Variants in ABL1 observed in about 807,000 individuals in gnomAD.
ABL1 encodes the protein tyrosine-protein kinase ABL1.
In ABL1, 11 loss-of-function variants were observed where a neutral mutation model predicts 94.7. That is an observed-to-expected ratio of 0.12 (90% confidence interval 0.07 to 0.19). The LOEUF (loss-of-function observed/expected upper bound fraction) is 0.19. Among genes scored for constraint, ABL1 ranks in the 10% least tolerant of loss-of-function variants. The pLI is 1.00. For missense variants in ABL1, 1,082 were observed against 1,489.4 expected (o/e 0.73, Z 4.50); for synonymous variants, 656 against 622.4 (o/e 1.05, Z -0.80).
chr9:130,835,641 C>G lies in ABL1; in HGVS notation c.79+116C>G. ...CGCCTGCGCCCTCCCCGGGTCTTGT[C>G]TTTTTTTTCTTTCTTCCCTCTTCTC... On this transcript the variant is annotated intron_variant, in intron 1 of 10. Coordinates refer to ENST00000318560, the MANE Select transcript of ABL1 (RefSeq NM_005157.6). This position sits in a 1 kb window ranked among gnomAD's most constrained non-coding sequence, Gnocchi z 4.6. 1.5e-6 allele frequency: 1 copy of G among 686,604 alleles called. No homozygotes were observed. Among genetic ancestry groups the G allele is most frequent in the Non-Finnish European group, 2.4e-6 (1 of 410,546 alleles). 42.5% of individuals were successfully genotyped at this position (686,604 alleles called of 1,614,324 possible).
Position 130,835,557 on chromosome 9 carries a change from A to T in ABL1, c.79+32A>T. 6.5e-7 allele frequency: 1 copy of T among 1,533,678 alleles called. No individual in the cohort carries two copies. On this transcript the variant is annotated intron_variant, in intron 1 of 10. Transcript: ENST00000318560. This position sits in a 1 kb window ranked among gnomAD's most constrained non-coding sequence, Gnocchi z 4.6. The stretch of plus-strand genomic sequence containing the variant: ...CCGGGCCGCACGGGTTGGGCTGAGT[A>T]GCCGCGCGCCCTCCCGCTGCTGCTG...
At chr9:130,812,024 T>C (rs981033077) in intron 1 of ABL1, among the ~76,000 whole-genome samples, 1 of 139,936 alleles carries the variant, frequency 7.1e-6, no homozygotes, top group South Asian at 2.3e-4. Context: ...GGGACAAATA[T>C]GAAACAAAGA....
At chr9:130,849,623 AT>A (rs1830826297) in intron 1 of ABL1, among the ~76,000 whole-genome samples, 2 of 151,940 alleles carry the variant, frequency 1.3e-5, no homozygotes, top group Admixed American at 1.3e-4. Flanking sequence ...GGTTCAGGTG[AT>A]TCTCCTGCCT....
chr9:130,836,875 A>G (rs113346540), intron 1 of ABL1, among the ~76,000 whole-genome samples: 3,806 of 151,242 alleles, frequency 0.025, 170 homozygotes, highest in African/African-American at 0.087. Flanking sequence ...AGCTCACTTT[A>G]GATCAAGTAG....
intron 6 of ABL1, among the ~76,000 whole-genome samples, chr9:130,873,280 A>C (rs903434599): frequency 6.6e-6 from 1 of 152,242 alleles, no homozygotes; most frequent in Non-Finnish European, 1.5e-5. Flanking sequence ...TAATCCCCGG[A>C]GTAAGGAATA....
chr9:130,830,693 C>G (rs1287127503), upstream of ABL1, among the ~76,000 whole-genome samples: 1 of 152,204 alleles, frequency 6.6e-6, no homozygotes, highest in Non-Finnish European at 1.5e-5. Context: ...TTGGAAATAA[C>G]AATAGCTACT....
rs368013778 is a variant in ABL1, at chr9:130,771,230, A to ATG, written c.136+56787_136+56788dup. 1.9e-4 allele frequency among the ~76,000 whole-genome samples: 27 copies of ATG among 145,400 alleles called. No homozygotes were observed. The South Asian group carries it at 4.4e-3, about 24-fold the overall frequency. On this transcript the variant is annotated intron_variant, in intron 1 of 10. Transcript: ENST00000372348. ...TAGGGGCAGCTGTATGTATGTATGT[A>ATG]TGTGTGTGTGTGTATGTATGTATGT...
chr9:130,882,040 G>A (rs1165156423), intron 10 of ABL1, among the ~76,000 whole-genome samples: 3 of 152,122 alleles, frequency 2.0e-5, no homozygotes, highest in South Asian at 2.1e-4. Flanking sequence ...TTCCCGCCCC[G>A]CTGGGCCATC....
intron 1 of ABL1, among the ~76,000 whole-genome samples, chr9:130,767,149 G>A (rs1403542493): frequency 6.6e-6 from 1 of 152,154 alleles, no homozygotes; most frequent in Non-Finnish European, 1.5e-5. Context: ...TGATGGCCCA[G>A]GCCACAGTAC....
At chr9:130,843,802 G>C (rs551050679) in intron 1 of ABL1, among the ~76,000 whole-genome samples, 93 of 152,178 alleles carry the variant, frequency 6.1e-4, no homozygotes, top group Middle Eastern at 3.4e-3. Context: ...CAGGAGGCCT[G>C]GGGGATCTGA....
At chr9:130,875,595 C>T (rs779403283) in intron 7 of ABL1, among the ~76,000 whole-genome samples, 2 of 152,138 alleles carry the variant, frequency 1.3e-5, no homozygotes, top group African/African-American at 2.4e-5. Context: ...CTTAGAGTTT[C>T]GTACGTTCTG....
intron 1 of ABL1, among the ~76,000 whole-genome samples, chr9:130,748,662 G>A (rs1288603360): frequency 6.6e-6 from 1 of 151,368 alleles, no homozygotes; most frequent in East Asian, 2.0e-4. Context: ...TGCAACCTTC[G>A]CCTCCCGGGT....
At chr9:130,752,508 G>A (rs1037042142) in intron 1 of ABL1, among the ~76,000 whole-genome samples, 1 of 152,132 alleles carries the variant, frequency 6.6e-6, no homozygotes, top group Non-Finnish European at 1.5e-5. Context: ...TGCCTCTATG[G>A]TGAATGCCTG....
intron 1 of ABL1, among the ~76,000 whole-genome samples, chr9:130,740,819 ATTTTTTTTTTTT>A (rs34323373): frequency 1.0e-5 from 1 of 97,836 alleles, no homozygotes; most frequent in African/African-American, 4.1e-5. Flanking sequence ...CCACACCCAG[ATTTTTTTTTTTT>A]TTTTTTTTTT....
chr9:130,856,289 T>C (rs1197105304), intron 3 of ABL1, among the ~76,000 whole-genome samples: 2 of 152,162 alleles, frequency 1.3e-5, no homozygotes, highest in Non-Finnish European at 2.9e-5. Flanking sequence ...GGTTTCACCA[T>C]GTTGGTCAGG....
intron 1 of ABL1, among the ~76,000 whole-genome samples, chr9:130,771,858 A>G (rs895055269): frequency 2.7e-5 from 4 of 150,562 alleles, no homozygotes; most frequent in Admixed American, 6.6e-5. Flanking sequence ...GGCTCAAGCA[A>G]TCCTCCCACC....
At chr9:130,841,211 G>C (rs180931964) in intron 1 of ABL1, among the ~76,000 whole-genome samples, 1 of 151,440 alleles carries the variant, frequency 6.6e-6, no homozygotes, top group Non-Finnish European at 1.5e-5. Context: ...GCAGTTGCAC[G>C]ATCTCAGCTC....
At chr9:130,715,085 C>A (rs998261698) in intron 1 of ABL1, among the ~76,000 whole-genome samples, 1 of 152,288 alleles carries the variant, frequency 6.6e-6, no homozygotes, top group South Asian at 2.1e-4. Context: ...GTTGATGAAG[C>A]TTTCATCCTG....
At chr9:130,733,521 C>T (rs1371993189) in intron 1 of ABL1, among the ~76,000 whole-genome samples, 4 of 151,626 alleles carry the variant, frequency 2.6e-5, no homozygotes, top group Non-Finnish European at 5.9e-5. Flanking sequence ...CCTGCCTCCG[C>T]CTCTCAGGTA....
Sources: allele counts gnomAD v4.1 joint callset (sites outside exome capture counted in the v4.1 genomes callset), GRCh38; gene constraint gnomAD v4.1.1; non-coding constraint Gnocchi (gnomAD v3.1); transcripts MANE v1.5; gene names NCBI Gene and HGNC (gene_info 2026-07-23, HGNC 2026-07-21).